CRELD2: variants seen among roughly 807,000 people sequenced by gnomAD.
CRELD2 encodes the protein protein disulfide isomerase CRELD2.
A neutral mutation model predicts 48.1 loss-of-function variants in CRELD2; 33 were observed. The observed-to-expected ratio is 0.69, with a 90% CI of 0.52 to 0.92. The LOEUF (loss-of-function observed/expected upper bound fraction) is 0.92, where lower values mean the gene tolerates loss of function less well. CRELD2 is among the 40% of genes least tolerant of loss of function. The pLI, the probability that CRELD2 is intolerant of heterozygous loss-of-function variation, is 0.00. For missense variants in CRELD2, 477 were observed against 482.4 expected, an observed-to-expected ratio of 0.99 and a Z score of 0.10; for synonymous variants, 220 against 203.9, an observed-to-expected ratio of 1.08 and a Z score of -0.67.
Position 49,923,183 on chromosome 22 carries a change from T to G in CRELD2, c.689-51T>G, listed in dbSNP as rs767525900. The G allele has an allele frequency of 1.8e-5, 26 of 1,438,410 alleles. No homozygotes were observed. In the South Asian group the frequency reaches 3.6e-4, roughly 20 times the overall value. The allele number at this position is 1,438,410 out of a possible 1,614,324, so 89.1% of individuals were successfully genotyped here. ...CAGGCCATGATCGGTCCTTCCCCGC[T>G]CCCTGGCCGGGCTGTCCTGGGCCGC... On this transcript the variant is annotated intron_variant, in intron 6 of 9. Transcript: ENST00000328268.
chr22:49,921,428 A>G, intron 4 of CRELD2, 157 bp from the exon 5 acceptor site: 1 of 772,466 alleles, frequency 1.3e-6, no homozygotes, highest in Non-Finnish European at 2.0e-6. Context: ...CTGCAGACCC[A>G]GGAAATCAGT....
chr22:49,920,086 G>A (rs996474556), intron 3 of CRELD2, 70 bp from the exon 4 acceptor site: 62 of 1,034,510 alleles, frequency 6.0e-5, no homozygotes, highest in East Asian at 9.5e-5. Context: ...CATATGTTAC[G>A]TTCAGCTGCA....
intron 6 of CRELD2, among the ~76,000 whole-genome samples, 176 bp downstream of exon 6, chr22:49,922,883 TGTG>T (rs1414236975): frequency 9.3e-5 from 2 of 21,486 alleles, no homozygotes; most frequent in Non-Finnish European, 1.5e-4. Flanking sequence ...GGGCGTGAGG[TGTG>T]GGGGAGCATG....
chr22:49,919,029 G>GGGTCGCCCCCGCC, intron 1 of CRELD2, 131 bp downstream of exon 1: 1 of 890,088 alleles, frequency 1.1e-6, no homozygotes. Context: ...CCTGGATTCG[G>GGGTCGCCCCCGCC]GATCCCCCTC....
chr22:49,919,673 T>C, intron 2 of CRELD2, 57 bp from the exon 3 acceptor site: 1 of 1,390,702 alleles, frequency 7.2e-7, no homozygotes, highest in African/African-American at 1.5e-5. Context: ...TTGGTTCGGA[T>C]TTTTCTTCAC....
At position 49,927,367 on chromosome 22, in the gene CRELD2, AG is replaced by A. The variant is rs2060779827; in HGVS notation, c.*62del. The A allele has an allele frequency of 6.9e-7, 1 of 1,446,998 alleles. No homozygotes were observed. Among genetic ancestry groups the A allele is most frequent in the Non-Finnish European group, 9.7e-7 (1 of 1,029,580 alleles). The allele number at this position is 1,446,998 out of a possible 1,614,324, so 89.6% of individuals were successfully genotyped here. ...ATGTCCCGTGGAAAATGTGGCCCTG[AG>A]GATGCCGTCTCCTGCAGTGGACAGC... On this transcript the variant is annotated 3_prime_UTR_variant, in exon 10 of 10. Coordinates refer to ENST00000328268, the MANE Select transcript of CRELD2 (RefSeq NM_024324.5).
At chr22:49,923,588 A>G (rs1280865378) in intron 7 of CRELD2, 2 of 568,088 alleles carry the variant, frequency 3.5e-6, no homozygotes, top group South Asian at 1.9e-5. Flanking sequence ...CGCCCCCGCA[A>G]CGTGCCCTGC....
rs374713466 is a variant in CRELD2, at chr22:49,927,274, C to G, written c.1029C>G (p.Ser343Arg). 7 of 1,612,388 alleles carry G rather than the reference C, an allele frequency of 4.3e-6. No homozygotes were observed. Among genetic ancestry groups the G allele is most frequent in the Non-Finnish European group, 5.9e-6 (7 of 1,179,766 alleles). Residue 343 changes from serine (S) to arginine (R), a missense_variant, in exon 10 of 10, where the codon AGC (serine) becomes AGG (arginine). Coordinates refer to ENST00000328268, the MANE Select transcript of CRELD2 (RefSeq NM_024324.5). ...TGACAGAAGCCACAGAAGGAGAAAG[C>G]CCGACACAGCTGCCCTCCCGCGAAG... ...PAEAEATEGE[S>R]PTQLPSREDL
At chr22:49,921,976 G>A (rs934725382) in intron 5 of CRELD2, 2 of 610,398 alleles carry the variant, frequency 3.3e-6, no homozygotes, top group African/African-American at 3.7e-5. Flanking sequence ...TCAGAAGGGA[G>A]AAGCTACTCA....
chr22:49,921,328 T>C, intron 4 of CRELD2: 1 of 520,000 alleles, frequency 1.9e-6, no homozygotes, highest in East Asian at 3.1e-5. Context: ...GCAGGGTCCC[T>C]TGTTGACCTA....
chr22:49,920,599 G>A (rs11912909), intron 4 of CRELD2, among the ~76,000 whole-genome samples: 3,588 of 152,334 alleles, frequency 0.024, 124 homozygotes, highest in African/African-American at 0.08. Flanking sequence ...TGTGCACAGA[G>A]GTGACCACAC....
Position 49,925,569 on chromosome 22 carries a change from G to A in CRELD2, c.1009+12G>A, listed in dbSNP as rs751440844. ...GCCGGCAGAGGCTGGTGAGTGGCAC[G>A]GCTGCCCTCCACACAGGCTGCCCTC... On this transcript the variant is annotated intron_variant, in intron 9 of 9. Transcript: ENST00000328268. 1.4e-5 allele frequency: 23 copies of A among 1,612,954 alleles called. No homozygotes were observed. Among genetic ancestry groups the A allele is most frequent in the South Asian group, 7.7e-5 (7 of 91,074 alleles).
intron 2 of CRELD2, among the ~76,000 whole-genome samples, 163 bp downstream of exon 2, chr22:49,919,475 G>T (rs943140318): frequency 6.6e-6 from 1 of 152,212 alleles, no homozygotes; most frequent in African/African-American, 2.4e-5. Context: ...CTAATGGCTG[G>T]CCCCTCTCTG....
chr22:49,919,583 G>C, intron 2 of CRELD2, 147 bp from the exon 3 acceptor site: 1 of 649,172 alleles, frequency 1.5e-6, no homozygotes, highest in Non-Finnish European at 2.6e-6. Flanking sequence ...AACCGCTCCT[G>C]GCTTCCCCTG....
intron 3 of CRELD2, 50 bp downstream of exon 3, chr22:49,919,890 A>G (rs748962069): frequency 7.4e-7 from 1 of 1,344,060 alleles, no homozygotes; most frequent in Non-Finnish European, 1.0e-6. Flanking sequence ...TCCAACTTAG[A>G]ATTTGAAATA....
intron 8 of CRELD2, 67 bp from the exon 9 acceptor site, chr22:49,925,350 G>A (rs2060749174): frequency 1.9e-6 from 2 of 1,034,022 alleles, no homozygotes; most frequent in Admixed American, 2.1e-5. Context: ...CTGAATGAAT[G>A]AATTTCATAA....
rs74379580 is a variant in CRELD2, at chr22:49,927,415, C to T, written c.*108C>T. ...CAGCGGCGGGGAGAGGCTGCCTGCT[C>T]TCTAACGGTTGATTCTCATTTGTCC... On this transcript the variant is annotated 3_prime_UTR_variant, in exon 10 of 10. Transcript: ENST00000328268. The T allele has an allele frequency of 1.2e-6, 1 of 843,684 alleles. No homozygotes were observed. Among genetic ancestry groups the T allele is most frequent in the Non-Finnish European group, 2.1e-6 (1 of 487,176 alleles). 52.3% of individuals were successfully genotyped at this position (843,684 alleles called of 1,614,324 possible). A position where few individuals can be genotyped will look rare whatever the true frequency, so the allele number is the denominator to read the frequency against.
chr22:49,925,130 CA>C (rs375087898), intron 8 of CRELD2: 11,223 of 146,216 alleles, frequency 0.077, 35 homozygotes, highest in South Asian at 0.14. Flanking sequence ...GACTCCGCCT[CA>C]AAAAAAAAAA....
rs376839460 is a variant in CRELD2, at chr22:49,921,586, A to G, written c.417A>G (p.Ala139=). The G allele has an allele frequency of 1.2e-6, 2 of 1,612,044 alleles. No individual in the cohort carries two copies. The highest frequency in any genetic ancestry group is 8.5e-7 in the Non-Finnish European group (1 of 1,179,480). The change falls in exon 5 of 10, where the codon GCA becomes GCG. Residue 139 remains alanine (A), a splice_region_variant and synonymous_variant. Coordinates refer to ENST00000328268, the MANE Select transcript of CRELD2 (RefSeq NM_024324.5). The stretch of plus-strand genomic sequence containing the variant: ...AGCATGGTTTTGTGTCCCCTAAAGC[A>G]TGCCAGGGCGGATCCCAGAGGCCCT... The part of the protein sequence containing the change: ...SPGTYGPDCL[A]CQGGSQRPCS...
Sources: allele counts gnomAD v4.1 joint callset (sites outside exome capture counted in the v4.1 genomes callset), GRCh38; gene constraint gnomAD v4.1.1; transcripts MANE v1.5; gene names NCBI Gene and HGNC (gene_info 2026-07-23, HGNC 2026-07-21).